CDK9: variants seen among roughly 807,000 people sequenced by gnomAD.
The protein encoded by CDK9 is cyclin dependent kinase 9, also known as cyclin-dependent kinase 9.
A neutral mutation model predicts 39.0 loss-of-function variants in CDK9; 34 were observed. That is an observed-to-expected ratio of 0.87 (90% CI 0.66 to 1.16). The LOEUF (loss-of-function observed/expected upper bound fraction) is 1.16, where lower values mean the gene tolerates loss of function less well. Ranked by LOEUF, CDK9 falls within the 50% of genes most tolerant of loss-of-function variation. CDK9 has a pLI of 0.00. For synonymous variants in CDK9, 233 were observed against 196.2 expected, an observed-to-expected ratio of 1.19 and a Z score of -1.57; for missense variants, 369 against 503.2, an observed-to-expected ratio of 0.73 and a Z score of 2.55.
At position 127,790,201 on chromosome 9, in the gene CDK9, C is replaced by G. The variant is rs1241038161; in HGVS notation, c.*658C>G. 6.6e-6 allele frequency: 1 copy of G among 152,012 alleles called. No individual in the cohort carries two copies. The highest frequency in any genetic ancestry group is 1.9e-4 in the East Asian group (1 of 5,170). The allele number at this position is 152,012 out of a possible 1,614,324, so 9.4% of individuals were successfully genotyped here. ...CCATTGGGACTTGATTGTCAAGTCA[C>G]TGGAGGTCTTGACTTTTTTATCTCA... On this transcript the variant is annotated 3_prime_UTR_variant, in exon 7 of 7. Transcript: ENST00000373264.
chr9:127,788,805 C>T lies in CDK9; in HGVS notation c.753+113C>T, dbSNP rs558381284. The T allele has an allele frequency of 8.2e-5, 93 of 1,129,012 alleles. 4 individuals carry two copies. The South Asian group carries it at 1.6e-3, about 19-fold the overall frequency. The allele number at this position is 1,129,012 out of a possible 1,614,324, so 69.9% of individuals were successfully genotyped here. On this transcript the variant is annotated intron_variant, in intron 6 of 6. Transcript: ENST00000373264. ...TCTGGAAGGGAGGCTGGTTTGGTGA[C>T]AGGGCCTGTCTTGGGGTGGGGAGTG... is the stretch of plus-strand genomic sequence containing the variant.
At chr9:127,787,636 T>C (rs775691097) in intron 3 of CDK9, 28 bp downstream of exon 3, 2 of 1,507,022 alleles carry the variant, frequency 1.3e-6, no homozygotes, top group Admixed American at 1.7e-5. Flanking sequence ...TACGAGAAGA[T>C]GACACTTGTA....
chr9:127,787,485 A>G, intron 2 of CDK9, 33 bp from the exon 3 acceptor site: 1 of 1,498,030 alleles, frequency 6.7e-7, no homozygotes, highest in Non-Finnish European at 9.3e-7. Flanking sequence ...TACTGCGCTC[A>G]CTCTTGACCA....
rs746257072 is a variant in CDK9 at position 127,788,226 on chromosome 9, G to A, written c.445G>A (p.Asp149Asn). The A allele has an allele frequency of 6.2e-7, 1 of 1,613,940 alleles. No homozygotes were observed. The highest frequency in any genetic ancestry group is 8.5e-7 in the Non-Finnish European group (1 of 1,180,026). Residue 149 changes from aspartate (D) to asparagine (N), a missense_variant, in exon 5 of 7, where the codon GAC (aspartate) becomes AAC (asparagine). Physicochemically the swap from Asp to Asn is conservative, Grantham distance 23. Coordinates refer to ENST00000373264, the MANE Select transcript of CDK9 (RefSeq NM_001261.4). ...GCCCTTCCTGCAGATCCTGCATAGGGACATGAAGGCTGCTAATGTGCTTAT... is the reference window on the plus strand; with the variant it reads ...GCCCTTCCTGCAGATCCTGCATAGGAACATGAAGGCTGCTAATGTGCTTAT... ...YIHRNKILHR[D>N]MKAANVLITR...
rs1056473 is a variant in CDK9, at chr9:127,789,818, C to G, written c.*275C>G. The G allele has an allele frequency of 2.2e-6, 1 of 450,800 alleles. No homozygotes were observed. The highest frequency in any genetic ancestry group is 2.0e-5 in the African/African-American group (1 of 50,066). The allele number at this position is 450,800 out of a possible 1,614,324, so 27.9% of individuals were successfully genotyped here. On this transcript the variant is annotated 3_prime_UTR_variant, in exon 7 of 7. Coordinates refer to ENST00000373264, the MANE Select transcript of CDK9 (RefSeq NM_001261.4). This position sits in a 1 kb window ranked among gnomAD's most constrained non-coding sequence, Gnocchi z 5.2. ...TGGGCTCGCCCACCAGTGACTTTTTCTAAGAGCTCCCGGCGTGGTGGAAGA... is the reference window on the plus strand; with the variant it reads ...TGGGCTCGCCCACCAGTGACTTTTTGTAAGAGCTCCCGGCGTGGTGGAAGA...
intron 3 of CDK9, among the ~76,000 whole-genome samples, 162 bp from the exon 4 acceptor site, chr9:127,787,785 A>T (rs1353452735): frequency 1.3e-5 from 2 of 152,178 alleles, no homozygotes; most frequent in Non-Finnish European, 2.9e-5. Flanking sequence ...CCTGGCCCAG[A>T]AGAGGCACTC....
Position 127,788,569 on chromosome 9 carries a change from T to A in CDK9, c.630T>A (p.Ile210=). The change falls in exon 6 of 7, where the codon ATT becomes ATA. Residue 210 remains isoleucine, a synonymous_variant. Coordinates refer to ENST00000373264, the MANE Select transcript of CDK9 (RefSeq NM_001261.4). The stretch of plus-strand genomic sequence containing the variant: ...GGGAGCGGGACTACGGCCCCCCCAT[T>A]GACCTGTGGGGTGCTGGGTGCATCA... ...LLGERDYGPP[I]DLWGAGCIMA... is the part of the protein sequence containing the mutation. 1 of 1,577,270 alleles carries A rather than the reference T, an allele frequency of 6.3e-7. No individual in the cohort carries two copies. The highest frequency in any genetic ancestry group is 8.6e-7 in the Non-Finnish European group (1 of 1,161,922).
chr9:127,786,354 C>A, intron 1 of CDK9, 114 bp downstream of exon 1: 1 of 896,650 alleles, frequency 1.1e-6, no homozygotes, highest in South Asian at 1.4e-5. Flanking sequence ...CCGGGCTTGC[C>A]TGCTGGTCTC....
chr9:127,789,163 C>T lies in CDK9; in HGVS notation c.754-15C>T, dbSNP rs1037994911. 3.9e-6 allele frequency: 6 copies of T among 1,548,446 alleles called. No homozygotes were observed. The highest frequency in any genetic ancestry group is 5.2e-6 in the Non-Finnish European group (6 of 1,144,566). On this transcript the variant is annotated splice_polypyrimidine_tract_variant and intron_variant, in intron 6 of 6. Coordinates refer to ENST00000373264, the MANE Select transcript of CDK9 (RefSeq NM_001261.4). The surrounding 1 kb of genome is among the most constrained non-coding windows in gnomAD (Gnocchi z 5.2). ...GACCGGACTCCATATTCTCTCAACGCCCCCTCCCTCCCAGGTGTGGCCAAA... is the reference window on the plus strand; with the variant it reads ...GACCGGACTCCATATTCTCTCAACGTCCCCTCCCTCCCAGGTGTGGCCAAA...
chr9:127,786,163 C>T lies in CDK9; in HGVS notation c.15C>T (p.Tyr5=). MAKQ[Y]DSVECPFCDE... is the part of the protein sequence containing the mutation. ...TGGAGGCGGCCATGGCAAAGCAGTA[C>T]GACTCGGTGGAGTGCCCTTTTTGTG... Residue 5 remains tyrosine (Y), a synonymous_variant, in exon 1 of 7, where the codon TAC becomes TAT. Transcript: ENST00000373264. The T allele has an allele frequency of 6.2e-7, 1 of 1,606,778 alleles. No homozygotes were observed.
chr9:127,788,728 G>A lies in CDK9; in HGVS notation c.753+36G>A, dbSNP rs199764560. On this transcript the variant is annotated intron_variant, in intron 6 of 6. Coordinates refer to ENST00000373264, the MANE Select transcript of CDK9 (RefSeq NM_001261.4). ...CCGGTCCCCACGGGGTGCAGAGATC[G>A]AGGTCCCCCGGCAGAGGAGGAGTGG... 4.5e-4 allele frequency: 695 copies of A among 1,541,938 alleles called. 2 individuals are homozygous for A. The highest frequency in any genetic ancestry group is 1.7e-3 in the Middle Eastern group (10 of 5,742).
At chr9:127,788,813 G>T (rs1300007027) in intron 6 of CDK9, 121 bp downstream of exon 6, 28 of 1,036,552 alleles carry the variant, frequency 2.7e-5, no homozygotes, top group Non-Finnish European at 3.9e-5. Context: ...GACAGGGCCT[G>T]TCTTGGGGTG....
intron 1 of CDK9, 62 bp from the exon 2 acceptor site, chr9:127,786,639 G>C (rs1207752082): frequency 7.2e-7 from 1 of 1,396,312 alleles, no homozygotes; most frequent in African/African-American, 1.4e-5. Context: ...CCTGTAGTGG[G>C]GGAGGGGCGG....
At chr9:127,786,636 TG>T in intron 1 of CDK9, 64 bp from the exon 2 acceptor site, 3 of 1,349,402 alleles carry the variant, frequency 2.2e-6, no homozygotes, top group Admixed American at 1.9e-5. Flanking sequence ...CCTCCTGTAG[TG>T]GGGGAGGGGC....
At chr9:127,787,068 AAAAG>A (rs1160357222) in intron 2 of CDK9, among the ~76,000 whole-genome samples, 2 of 152,306 alleles carry the variant, frequency 1.3e-5, no homozygotes, top group Middle Eastern at 3.4e-3. Flanking sequence ...CGCTTAATGT[AAAAG>A]AAAGATTATA....
chr9:127,786,251 G>A lies in CDK9; in HGVS notation c.92+11G>A. On this transcript the variant is annotated intron_variant, in intron 1 of 6. Transcript: ENST00000373264. Reference sequence around the variant, plus strand: ...CCAAGGCACCTTCGGGTAAGGCTGGGCCCCTCGGGGCCGGGAGCCCTGGGC... The same window carrying A: ...CCAAGGCACCTTCGGGTAAGGCTGGACCCCTCGGGGCCGGGAGCCCTGGGC... 6 of 1,602,842 alleles carry A rather than the reference G, an allele frequency of 3.7e-6. No homozygotes were observed. Among genetic ancestry groups the A allele is most frequent in the Middle Eastern group, 1.7e-4 (1 of 6,026 alleles).
At position 127,790,273 on chromosome 9, in the gene CDK9, C is replaced by T. The variant is rs1045064009; in HGVS notation, c.*730C>T. Reference sequence around the variant, plus strand: ...TGGAAAGGACCTTTGTCTGTTTTTCCTCTTGGGTGCCTTCCAGAACGCATC... The same window carrying T: ...TGGAAAGGACCTTTGTCTGTTTTTCTTCTTGGGTGCCTTCCAGAACGCATC... On this transcript the variant is annotated 3_prime_UTR_variant, in exon 7 of 7. Coordinates refer to ENST00000373264, the MANE Select transcript of CDK9 (RefSeq NM_001261.4). 4 of 152,060 alleles carry T rather than the reference C, an allele frequency of 2.6e-5. No homozygotes were observed. Among genetic ancestry groups the T allele is most frequent in the African/African-American group, 9.7e-5 (4 of 41,382 alleles). 9.4% of individuals were successfully genotyped at this position (152,060 alleles called of 1,614,324 possible).
intron 6 of CDK9, 32 bp downstream of exon 6, chr9:127,788,724 G>T: frequency 1.3e-6 from 2 of 1,547,648 alleles, no homozygotes; most frequent in Non-Finnish European, 1.7e-6. Flanking sequence ...GGGGTGCAGA[G>T]ATCGAGGTCC....
chr9:127,786,094 A>C lies in CDK9; in HGVS notation c.-55A>C, dbSNP rs755547628. 1 of 1,392,940 alleles carries C rather than the reference A, an allele frequency of 7.2e-7. No homozygotes were observed. The highest frequency in any genetic ancestry group is 2.6e-5 in the East Asian group (1 of 38,464). 86.3% of individuals were successfully genotyped at this position (1,392,940 alleles called of 1,614,324 possible). A position where few individuals can be genotyped will look rare whatever the true frequency, so the allele number is the denominator to read the frequency against. On this transcript the variant is annotated 5_prime_UTR_variant, in exon 1 of 7. Coordinates refer to ENST00000373264, the MANE Select transcript of CDK9 (RefSeq NM_001261.4). ...GGAGTGCGGCGGCGGCGGGACCCGG[A>C]GCAGGAGCGGCGGCAGCAGCGACTG...
Sources: gnomAD v4.1 joint callset for allele counts (sites outside exome capture counted in the v4.1 genomes callset) on GRCh38, gnomAD v4.1.1 for gene constraint, Gnocchi (gnomAD v3.1) non-coding constraint, MANE v1.5 for transcripts, NCBI Gene and HGNC (gene_info 2026-07-23, HGNC 2026-07-21) for gene names.